PLEKHM1: variants seen among roughly 807,000 people sequenced by gnomAD.
PLEKHM1 encodes pleckstrin homology domain-containing family M member 1.
In PLEKHM1, 28 loss-of-function variants were observed where a neutral mutation model predicts 94.3. The ratio of observed to expected loss-of-function variants is 0.30; its 90% CI spans 0.22 to 0.41. PLEKHM1 has a LOEUF of 0.41. Among genes scored for constraint, PLEKHM1 ranks in the 10% least tolerant of loss-of-function variants. The pLI is 1.00. For missense variants in PLEKHM1, 907 were observed against 1,358.6 expected (o/e 0.67, Z 5.22); for synonymous variants, 424 against 581.2 (o/e 0.73, Z 3.89).
chr17:45,460,977 C>T (rs1375974788), intron 5 of PLEKHM1, among the ~76,000 whole-genome samples: 5 of 152,160 alleles, frequency 3.3e-5, no homozygotes, highest in African/African-American at 9.7e-5. Flanking sequence ...CTCCGCTTCC[C>T]GGGTTCACGC....
At position 45,483,761 on chromosome 17, in the gene PLEKHM1, T is replaced by C. The variant is rs530676061; in HGVS notation, c.-41-1236A>G. 4.4e-3 allele frequency among the ~76,000 whole-genome samples: 669 copies of C among 152,084 alleles called. 7 individuals carry two copies. Among genetic ancestry groups the C allele is most frequent in the African/African-American group, 0.015 (631 of 41,470 alleles). ...TGTCTCCACCTGACAGATAAGGAAA[T>C]GGCAGCTGACCCAGGTCAAGGAAGT... is the stretch of plus-strand genomic sequence containing the variant. On this transcript the variant is annotated intron_variant, in intron 1 of 11. Transcript: ENST00000430334.
intron 6 of PLEKHM1, 36 bp from the exon 7 acceptor site, chr17:45,454,308 C>T (rs746812381): frequency 5.8e-6 from 9 of 1,545,228 alleles, no homozygotes; most frequent in African/African-American, 2.7e-5. Flanking sequence ...CATTAGTTGG[C>T]GGGCCTGTCT....
intron 11 of PLEKHM1, 49 bp downstream of exon 11, chr17:45,439,428 T>C (rs775299662): frequency 1.2e-6 from 2 of 1,604,144 alleles, no homozygotes; most frequent in African/African-American, 2.7e-5. Flanking sequence ...AGGCTGTGGG[T>C]GTGGGGAAGG....
At position 45,439,122 on chromosome 17, in the gene PLEKHM1, A is replaced by G. The variant is rs1273540056; in HGVS notation, c.3059+355T>C. Among the ~76,000 whole-genome samples, 4 of 152,216 alleles carry G rather than the reference A, an allele frequency of 2.6e-5. No individual in the cohort carries two copies. The East Asian group carries it at 7.7e-4, about 29-fold the overall frequency. ...CCACTTTGTGCCTGGTCTCATGCCA[A>G]CAGTGCAGGGTGGTAACTCATACAA... On this transcript the variant is annotated intron_variant, in intron 11 of 11. Coordinates refer to ENST00000430334, the MANE Select transcript of PLEKHM1 (RefSeq NM_014798.3).
intron 9 of PLEKHM1, 123 bp from the exon 10 acceptor site, chr17:45,440,349 G>C: frequency 1.0e-6 from 1 of 956,124 alleles, no homozygotes; most frequent in Non-Finnish European, 1.7e-6. Context: ...GGCGGGGCAG[G>C]GGCTAGGAGT....
In PLEKHM1 at chr17:45,454,063, C is replaced by T; in HGVS notation, c.1789G>A (p.Val597Ile). 6.2e-7 allele frequency: 1 copy of T among 1,614,204 alleles called. No individual in the cohort carries two copies. The highest frequency in any genetic ancestry group is 8.5e-7 in the Non-Finnish European group (1 of 1,180,040). ...PAHSDGRFEL[V>I]FSGKKLALRA... Reference sequence around the variant, plus strand: ...AGGGCCAGCTTCTTGCCAGAGAAGACCAGCTCAAAGCGCCCATCACTATGG... The same window carrying T: ...AGGGCCAGCTTCTTGCCAGAGAAGATCAGCTCAAAGCGCCCATCACTATGG... Residue 597 changes from valine to isoleucine, a missense_variant, in exon 7 of 12, where the codon GTC becomes ATC. Coordinates refer to ENST00000430334, the MANE Select transcript of PLEKHM1 (RefSeq NM_014798.3).
At chr17:45,474,827 C>T (rs536664637) in intron 4 of PLEKHM1, among the ~76,000 whole-genome samples, 7 of 152,178 alleles carry the variant, frequency 4.6e-5, no homozygotes, top group Admixed American at 1.3e-4. Flanking sequence ...CCACCGCACC[C>T]GGCCAAGTAA....
chr17:45,436,468 G>T lies in PLEKHM1; in HGVS notation c.*1390C>A, dbSNP rs2050260460. On this transcript the variant is annotated 3_prime_UTR_variant, in exon 12 of 12. Transcript: ENST00000430334. ...GCTAATCGCCCCCAGGGAAGGGTGG[G>T]GGTGGGCTCATCTCTGACAGTGACA... 2.2e-6 allele frequency: 1 copy of T among 453,456 alleles called. No individual in the cohort carries two copies. Among genetic ancestry groups the T allele is most frequent in the Non-Finnish European group, 4.4e-6 (1 of 226,368 alleles). The allele number at this position is 453,456 out of a possible 1,614,324, so 28.1% of individuals were successfully genotyped here.
At chr17:45,468,943 T>C (rs1043247465) in intron 4 of PLEKHM1, among the ~76,000 whole-genome samples, 15 of 151,802 alleles carry the variant, frequency 9.9e-5, no homozygotes, top group Non-Finnish European at 1.5e-4. Flanking sequence ...AACACATGGT[T>C]GTGTGGGCAA....
At chr17:45,457,172 G>GAA (rs980455854) in intron 6 of PLEKHM1, among the ~76,000 whole-genome samples, 94 of 56,242 alleles carry the variant, frequency 1.7e-3, no homozygotes, top group Middle Eastern at 9.1e-3. Context: ...CTCTGCCTCA[G>GAA]AAAAAAAAAA....
intron 8 of PLEKHM1, chr17:45,446,097 C>A: frequency 3.5e-6 from 1 of 288,754 alleles, no homozygotes; most frequent in South Asian, 3.7e-5. Flanking sequence ...CAGGCTCCAG[C>A]CACAGGAAGC....
Position 45,475,168 on chromosome 17 carries a change from C to A in PLEKHM1, c.855G>T (p.Glu285Asp), listed in dbSNP as rs767747878. ...GGTCTGAGTCACAGGACATGGGCTC[C>A]TCGCAATGGTCTGGACTCTTGGAGC... ...ENGSKSPDHC[E>D]EPMSCDSDLG... Residue 285 changes from glutamate (E) to aspartate (D), a missense_variant, in exon 4 of 12, where the codon GAG becomes GAT. Glu to Asp is a conservative substitution (Grantham distance 45). Transcript: ENST00000430334. 1 of 1,613,980 alleles carries A rather than the reference C, an allele frequency of 6.2e-7. No homozygotes were observed. The highest frequency in any genetic ancestry group is 8.5e-7 in the Non-Finnish European group (1 of 1,179,868).
At chr17:45,442,816 T>C (rs1332694640) in intron 9 of PLEKHM1, among the ~76,000 whole-genome samples, 1 of 152,102 alleles carries the variant, frequency 6.6e-6, no homozygotes, top group African/African-American at 2.4e-5. Context: ...TCGAGGGCCC[T>C]TTGAGTTCTG....
At chr17:45,470,773 C>T (rs1349092086) in intron 4 of PLEKHM1, among the ~76,000 whole-genome samples, 2 of 151,156 alleles carry the variant, frequency 1.3e-5, no homozygotes, top group African/African-American at 4.8e-5. Flanking sequence ...ATTCTCCTGC[C>T]TCAGACTCCC....
chr17:45,474,980 T>A (rs1295634393), intron 4 of PLEKHM1, 120 bp downstream of exon 4: 1 of 1,057,834 alleles, frequency 9.5e-7, no homozygotes, highest in Non-Finnish European at 1.4e-6. Flanking sequence ...CCCTTGGCTT[T>A]CTTTAATTAC....
rs535397887 is a variant in PLEKHM1 at position 45,467,950 on chromosome 17, G to A, written c.1308+259C>T. ...ACAAAGTGACGTGAAAATGACAGGA[G>A]ATACACACGGGAAGTGATCAGCACA... On this transcript the variant is annotated intron_variant, in intron 5 of 11. Transcript: ENST00000430334. Among the ~76,000 whole-genome samples the A allele has an allele frequency of 3.7e-4, 56 of 152,262 alleles. 1 individual carries two copies. The highest frequency in any genetic ancestry group is 3.0e-3 in the Admixed American group (46 of 15,288).
At position 45,475,535 on chromosome 17, in the gene PLEKHM1, A is replaced by G. The variant is rs770150612; in HGVS notation, c.488T>C (p.Phe163Ser). ...GAGGCCCTGCAGGAAGCTAAGGAGG[A>G]ACTCGCCCTCCTCAGCATCCCGGAG... is the stretch of plus-strand genomic sequence containing the variant. ...ALLRDAEEGE[F>S]LLSFLQGLTS... The change falls in exon 4 of 12, where the codon TTC becomes TCC. Residue 163 changes from phenylalanine (F) to serine (S), a missense_variant. Coordinates refer to ENST00000430334, the MANE Select transcript of PLEKHM1 (RefSeq NM_014798.3). 3 of 1,611,824 alleles carry G rather than the reference A, an allele frequency of 1.9e-6. No individual in the cohort carries two copies. The South Asian group carries it at 3.3e-5, about 18-fold the overall frequency.
intron 5 of PLEKHM1, among the ~76,000 whole-genome samples, chr17:45,463,270 G>T (rs978713856): frequency 6.6e-6 from 1 of 152,068 alleles, no homozygotes; most frequent in East Asian, 1.9e-4. Context: ...CAGGTTCCTC[G>T]GAGCTTCTGC....
chr17:45,478,324 T>C (rs1253763463), intron 2 of PLEKHM1, among the ~76,000 whole-genome samples, 177 bp from the exon 3 acceptor site: 2 of 152,234 alleles, frequency 1.3e-5, no homozygotes, highest in East Asian at 1.9e-4. Context: ...CAAAGAAAGA[T>C]AAAGCATAGA....
Sources: allele counts gnomAD v4.1 joint callset (sites outside exome capture counted in the v4.1 genomes callset), GRCh38; gene constraint gnomAD v4.1.1; transcripts MANE v1.5; gene names NCBI Gene and HGNC (gene_info 2026-07-23, HGNC 2026-07-21).